Variants in NOX5 observed in about 807,000 individuals in gnomAD.
NOX5 encodes the protein NADPH oxidase 5.
Under a neutral mutation model 85.7 loss-of-function variants are expected in NOX5, and 76 were observed. That is an observed-to-expected ratio of 0.89 (90% CI 0.74 to 1.07). NOX5 has a LOEUF of 1.07. NOX5 is among the 50% of genes least tolerant of loss of function. The pLI is 0.00. For missense variants in NOX5, 973 were observed against 999.5 expected (o/e 0.97, Z 0.36); for synonymous variants, 405 against 401.4 (o/e 1.01, Z -0.11).
chr15:69,031,347 C>T, intron 3 of NOX5, 171 bp from the exon 4 acceptor site: 1 of 667,134 alleles, frequency 1.5e-6, no homozygotes, highest in South Asian at 2.2e-5. Flanking sequence ...AAAGATTCTC[C>T]ACCCGTGGGG....
chr15:69,047,251 TG>T, intron 11 of NOX5, 161 bp from the exon 12 acceptor site: 1 of 832,036 alleles, frequency 1.2e-6, no homozygotes, highest in Non-Finnish European at 1.8e-6. Context: ...GCACAGGATG[TG>T]GAAAGAGCAC....
rs146723337 is a variant in NOX5, at chr15:69,049,255, G to A, written c.1999+197G>A. On this transcript the variant is annotated intron_variant, in intron 14 of 15. Transcript: ENST00000388866. ...CGCCCAAGCTGAAGTGCAGTAGCAC[G>A]ATTATGGCTCGCTGCAGCCTCCACC... is the stretch of plus-strand genomic sequence containing the variant. Among the ~76,000 whole-genome samples, 1,309 of 147,894 alleles carry A rather than the reference G, an allele frequency of 8.9e-3. 12 individuals carry two copies. The highest frequency in any genetic ancestry group is 0.013 in the Non-Finnish European group (902 of 67,484).
At chr15:69,014,883 TG>T in intron 1 of NOX5, 98 bp downstream of exon 1, 1 of 911,176 alleles carries the variant, frequency 1.1e-6, no homozygotes, top group Non-Finnish European at 1.7e-6. Flanking sequence ...GTGTCTGCCT[TG>T]GGCAGAAATC....
At position 69,038,772 on chromosome 15, in the gene NOX5, C is replaced by T. The variant is rs1567101512; in HGVS notation, c.1372-85C>T. Reference sequence around the variant, plus strand: ...ATGCCTGTTTTATGGAGGAGGAGGGCAGCCCAGCTTCTGCCCTCTTGTCCT... The same window carrying T: ...ATGCCTGTTTTATGGAGGAGGAGGGTAGCCCAGCTTCTGCCCTCTTGTCCT... On this transcript the variant is annotated intron_variant, in intron 8 of 15. Transcript: ENST00000388866. The T allele has an allele frequency of 8.2e-6, 13 of 1,588,760 alleles. No individual in the cohort carries two copies. In the East Asian group the frequency reaches 8.9e-5, roughly 11 times the overall value.
intron 1 of NOX5, 45 bp downstream of exon 1, chr15:69,014,830 A>C: frequency 7.2e-7 from 1 of 1,387,840 alleles, no homozygotes; most frequent in Non-Finnish European, 1.0e-6. Context: ...GGACAAGGGA[A>C]AGGTGGGATT....
chr15:69,017,137 GTATT>G (rs148092449), intron 1 of NOX5, among the ~76,000 whole-genome samples: 26 of 151,752 alleles, frequency 1.7e-4, no homozygotes, highest in Admixed American at 7.2e-4. Context: ...AAATTTCTAA[GTATT>G]TATTTATTTA....
chr15:69,033,338 C>A, intron 5 of NOX5, 61 bp downstream of exon 5: 2 of 1,522,688 alleles, frequency 1.3e-6, no homozygotes, highest in South Asian at 1.2e-5. Flanking sequence ...GTGGGCTCCT[C>A]CTAGACAGAG....
chr15:69,048,873 G>T, intron 13 of NOX5, 86 bp from the exon 14 acceptor site: 1 of 900,820 alleles, frequency 1.1e-6, no homozygotes, highest in Non-Finnish European at 1.8e-6. Context: ...CTTCAGGGTG[G>T]TCATATGGGT....
At chr15:69,037,543 G>A (rs1190837673) in intron 8 of NOX5, 5 of 247,700 alleles carry the variant, frequency 2.0e-5, no homozygotes, top group Non-Finnish European at 3.1e-5. Context: ...GTTCTGCACT[G>A]TCCTGCTTTC....
rs1221170929 is a variant in NOX5, at chr15:69,058,981, A to G, written c.*2285A>G. ...GCACTCAATGCACACACACACATGC[A>G]TGTCACCGTTTTGGATTCTTTCCCA... On this transcript the variant is annotated 3_prime_UTR_variant, in exon 16 of 16. Transcript: ENST00000388866. 6.6e-6 allele frequency: 1 copy of G among 152,252 alleles called. No individual in the cohort carries two copies. The highest frequency in any genetic ancestry group is 6.5e-5 in the Admixed American group (1 of 15,276). 9.4% of individuals were successfully genotyped at this position (152,252 alleles called of 1,614,324 possible).
At chr15:69,026,834 C>G (rs1296204913) in intron 2 of NOX5, among the ~76,000 whole-genome samples, 183 bp downstream of exon 2, 1 of 152,160 alleles carries the variant, frequency 6.6e-6, no homozygotes, top group African/African-American at 2.4e-5. Context: ...CCTCCTGGGT[C>G]TTCAACACAT....
At chr15:69,021,923 A>T (rs577471881) in intron 1 of NOX5, among the ~76,000 whole-genome samples, 1 of 152,334 alleles carries the variant, frequency 6.6e-6, no homozygotes, top group African/African-American at 2.4e-5. Context: ...ATATTTTGAC[A>T]TGGAAGGTGG....
intron 14 of NOX5, among the ~76,000 whole-genome samples, chr15:69,051,693 T>A (rs983380295): frequency 6.6e-6 from 1 of 152,272 alleles, no homozygotes; most frequent in East Asian, 1.9e-4. Context: ...ACATTTTTGA[T>A]GTACACAAGC....
chr15:69,019,349 A>G (rs1258813920), intron 1 of NOX5, among the ~76,000 whole-genome samples: 1 of 152,228 alleles, frequency 6.6e-6, no homozygotes. Flanking sequence ...TGTGGTGGAA[A>G]GTTCTGTATC....
At chr15:69,020,194 T>C (rs2050280373) in intron 1 of NOX5, among the ~76,000 whole-genome samples, 1 of 152,224 alleles carries the variant, frequency 6.6e-6, no homozygotes, top group African/African-American at 2.4e-5. Context: ...TTGTTGTTAT[T>C]TTATAACAGG....
chr15:69,040,207 G>T (rs2050576496), intron 9 of NOX5, among the ~76,000 whole-genome samples: 1 of 152,222 alleles, frequency 6.6e-6, no homozygotes, highest in Admixed American at 6.5e-5. Context: ...ATGTACCACG[G>T]AACAAAGTTA....
At chr15:69,035,655 G>A (rs1457207837) in intron 6 of NOX5, 103 bp from the exon 7 acceptor site, 1 of 1,559,686 alleles carries the variant, frequency 6.4e-7, no homozygotes, top group Non-Finnish European at 8.7e-7. Context: ...AAAAGTTTCT[G>A]CCCGTGCTAG....
rs756640486 is a variant in NOX5 at position 69,042,821 on chromosome 15, A to G, written c.1647+16A>G. ...GTCGTCCAAGGTAGGTGGCTACTGGAGGGAAGGGGTCCACTCTGCTGGCAA... is the reference window on the plus strand; with the variant it reads ...GTCGTCCAAGGTAGGTGGCTACTGGGGGGAAGGGGTCCACTCTGCTGGCAA... On this transcript the variant is annotated intron_variant, in intron 10 of 15. Transcript: ENST00000388866. The G allele has an allele frequency of 6.2e-7, 1 of 1,610,806 alleles. No individual in the cohort carries two copies. Among genetic ancestry groups the G allele is most frequent in the Non-Finnish European group, 8.5e-7 (1 of 1,178,382 alleles).
At chr15:69,017,082 T>C (rs1475788066) in intron 1 of NOX5, among the ~76,000 whole-genome samples, 1 of 152,182 alleles carries the variant, frequency 6.6e-6, no homozygotes, top group Non-Finnish European at 1.5e-5. Context: ...AGGCTTTACC[T>C]GAATGACGAA....
Sources: allele counts gnomAD v4.1 joint callset (sites outside exome capture counted in the v4.1 genomes callset), GRCh38; gene constraint gnomAD v4.1.1; transcripts MANE v1.5; gene names NCBI Gene and HGNC (gene_info 2026-07-23, HGNC 2026-07-21).